Variants in CAMTA1 observed in about 807,000 individuals in gnomAD.
CAMTA1 encodes the protein calmodulin-binding transcription activator 1.
In CAMTA1, 27 loss-of-function variants were observed where a neutral mutation model predicts 170.9. The observed-to-expected ratio is 0.16, with a 90% CI of 0.12 to 0.22. CAMTA1 has a LOEUF of 0.22. CAMTA1 is among the 10% of genes least tolerant of loss of function. CAMTA1 has a pLI of 1.00. For synonymous variants in CAMTA1, 833 were observed against 891.5 expected, an observed-to-expected ratio of 0.93 and a Z score of 1.17; for missense variants, 1,619 against 2,217.2, an observed-to-expected ratio of 0.73 and a Z score of 5.42.
At chr1:7,185,572 T>C (rs898398409) in intron 4 of CAMTA1, among the ~76,000 whole-genome samples, 1 of 152,228 alleles carries the variant, frequency 6.6e-6, no homozygotes, top group African/African-American at 2.4e-5. Context: ...CCCCACAAAG[T>C]TCTTACTAAT....
intron 5 of CAMTA1, among the ~76,000 whole-genome samples, chr1:7,413,740 C>A (rs1477758194): frequency 6.6e-6 from 1 of 152,128 alleles, no homozygotes; most frequent in Non-Finnish European, 1.5e-5. Flanking sequence ...TAATTGAATA[C>A]CCTTTATTTC....
Position 7,065,833 on chromosome 1 carries a change from G to A in CAMTA1, c.235-25471G>A, listed in dbSNP as rs147270571. Among the ~76,000 whole-genome samples the A allele has an allele frequency of 7.4e-3, 1,129 of 152,266 alleles. 15 individuals carry two copies. Among genetic ancestry groups the A allele is most frequent in the African/African-American group, 0.026 (1,077 of 41,536 alleles). On this transcript the variant is annotated intron_variant, in intron 3 of 22. Coordinates refer to ENST00000303635, the MANE Select transcript of CAMTA1 (RefSeq NM_015215.4). The surrounding 1 kb of genome is among the most constrained non-coding windows in gnomAD (Gnocchi z 5.2). ...TGTCAAAGAGCAAGTGGCCTTTAAG[G>A]CATGTTTATCTATTCCCTTACATTG...
intron 6 of CAMTA1, among the ~76,000 whole-genome samples, chr1:7,507,142 ACT>A (rs1248586887): frequency 3.4e-5 from 5 of 148,082 alleles, no homozygotes; most frequent in Non-Finnish European, 5.9e-5. Context: ...ACACACTCAC[ACT>A]CACTCCCACA....
intron 5 of CAMTA1, among the ~76,000 whole-genome samples, chr1:7,439,156 G>C (rs142124313): frequency 6.6e-6 from 1 of 152,158 alleles, no homozygotes; most frequent in Admixed American, 6.5e-5. Context: ...CCCAGGTGGG[G>C]TCTGCGGTCC....
chr1:7,113,596 A>G lies in CAMTA1; in HGVS notation c.302+22225A>G, dbSNP rs1644190923. On this transcript the variant is annotated intron_variant, in intron 4 of 22. Transcript: ENST00000303635. The surrounding 1 kb of genome is among the most constrained non-coding windows in gnomAD (Gnocchi z 4.5). The stretch of plus-strand genomic sequence containing the variant: ...ATTTCACATCATAAGAGAGTTAAAG[A>G]GTTTGTGGCATTTTAAATGCTTTAT... 6.6e-6 allele frequency among the ~76,000 whole-genome samples: 1 copy of G among 152,204 alleles called. No homozygotes were observed. The highest frequency in any genetic ancestry group is 2.4e-5 in the African/African-American group (1 of 41,450).
intron 10 of CAMTA1, among the ~76,000 whole-genome samples, chr1:7,675,640 G>C (rs1193009966): frequency 6.6e-6 from 1 of 152,180 alleles, no homozygotes; most frequent in African/African-American, 2.4e-5. Context: ...CCCAGCAGGA[G>C]CGGGTCTCAG....
At chr1:7,615,658 G>T (rs2095554335) in intron 6 of CAMTA1, among the ~76,000 whole-genome samples, 1 of 152,230 alleles carries the variant, frequency 6.6e-6, no homozygotes, top group South Asian at 2.1e-4. Context: ...TAGAAGTCCA[G>T]GTGAGGGGGT....
At chr1:7,297,729 G>A (rs997955142) in intron 5 of CAMTA1, among the ~76,000 whole-genome samples, 1 of 152,198 alleles carries the variant, frequency 6.6e-6, no homozygotes, top group Non-Finnish European at 1.5e-5. Flanking sequence ...AGGCTGCTGT[G>A]CCCCATCGTC....
chr1:7,704,106 C>T (rs1267627834), intron 11 of CAMTA1, among the ~76,000 whole-genome samples: 1 of 151,690 alleles, frequency 6.6e-6, no homozygotes, highest in African/African-American at 2.4e-5. Flanking sequence ...CTGGCCCCCA[C>T]GCCTCCCCGC....
At chr1:7,671,976 C>G (rs1056571688) in intron 10 of CAMTA1, 4 of 455,724 alleles carry the variant, frequency 8.8e-6, no homozygotes, top group Admixed American at 2.4e-5. Context: ...GCATCTGAAG[C>G]CTGTTTCTAG....
chr1:7,482,947 C>CAA lies in CAMTA1; in HGVS notation c.510+15047_510+15048insAA, dbSNP rs1293978393. On this transcript the variant is annotated intron_variant, in intron 6 of 22. Coordinates refer to ENST00000303635, the MANE Select transcript of CAMTA1 (RefSeq NM_015215.4). The surrounding 1 kb of genome is among the most constrained non-coding windows in gnomAD (Gnocchi z 4.2). Reference sequence around the variant, plus strand: ...GTGAGCTGTAAATGTGCCCAGGCCCCACCCCATGTCATCCCAGGGTGAGCC... The same window carrying CAA: ...GTGAGCTGTAAATGTGCCCAGGCCCCAAACCCCATGTCATCCCAGGGTGAGCC... Among the ~76,000 whole-genome samples, 1 of 152,156 alleles carries CAA rather than the reference C, an allele frequency of 6.6e-6. No individual in the cohort carries two copies. Among genetic ancestry groups the CAA allele is most frequent in the Non-Finnish European group, 1.5e-5 (1 of 68,040 alleles).
In CAMTA1 at chr1:7,293,821, G is replaced by A. The variant is rs943308975; in HGVS notation, c.438+44195G>A. On this transcript the variant is annotated intron_variant, in intron 5 of 22. Coordinates refer to ENST00000303635, the MANE Select transcript of CAMTA1 (RefSeq NM_015215.4). The surrounding 1 kb of genome is among the most constrained non-coding windows in gnomAD (Gnocchi z 4.1). ...GGTTTCCAGCTCTCCCGTGCCCCTC[G>A]CTTTTCTCTGAAAACTCGGCATGCC... Among the ~76,000 whole-genome samples, 5 of 152,182 alleles carry A rather than the reference G, an allele frequency of 3.3e-5. No homozygotes were observed. In the South Asian group the frequency reaches 6.2e-4, roughly 19 times the overall value.
chr1:6,941,624 G>T (rs1456084691), intron 3 of CAMTA1, among the ~76,000 whole-genome samples: 3 of 152,258 alleles, frequency 2.0e-5, no homozygotes, highest in Non-Finnish European at 4.4e-5. Context: ...GGGCCCTTCA[G>T]TGACAGCAGG....
chr1:7,176,641 G>A (rs1161254964), intron 4 of CAMTA1, among the ~76,000 whole-genome samples: 2 of 152,196 alleles, frequency 1.3e-5, no homozygotes, highest in African/African-American at 4.8e-5. Context: ...ATAGACAGAT[G>A]CTGAGGGCAT....
At chr1:7,528,764 C>A (rs2094457884) in intron 6 of CAMTA1, among the ~76,000 whole-genome samples, 1 of 151,762 alleles carries the variant, frequency 6.6e-6, no homozygotes, top group African/African-American at 2.4e-5. Context: ...GTTTCTTGGC[C>A]TTTTGGCTAA....
intron 5 of CAMTA1, among the ~76,000 whole-genome samples, chr1:7,298,765 C>T (rs1271861998): frequency 1.3e-5 from 2 of 152,124 alleles, no homozygotes; most frequent in Non-Finnish European, 2.9e-5. Context: ...GAAGCTCTCC[C>T]AGTTCCTTAT....
At position 7,299,164 on chromosome 1, in the gene CAMTA1, C is replaced by G. The variant is rs1276979250; in HGVS notation, c.438+49538C>G. On this transcript the variant is annotated intron_variant, in intron 5 of 22. Coordinates refer to ENST00000303635, the MANE Select transcript of CAMTA1 (RefSeq NM_015215.4). This position sits in a 1 kb window ranked among gnomAD's most constrained non-coding sequence, Gnocchi z 4.7. ...AAAATATGTGCTGGAGGTGGGGAGA[C>G]CTGATTCCCTGCCTAGTGCTTCCTT... 6.6e-6 allele frequency among the ~76,000 whole-genome samples: 1 copy of G among 152,154 alleles called. No individual in the cohort carries two copies. The highest frequency in any genetic ancestry group is 2.4e-5 in the African/African-American group (1 of 41,422).
intron 3 of CAMTA1, among the ~76,000 whole-genome samples, chr1:6,867,385 G>A (rs1008447367): frequency 6.6e-6 from 1 of 152,104 alleles, no homozygotes; most frequent in East Asian, 1.9e-4. Context: ...ATAGGTTGCT[G>A]TAATATTTAT....
At chr1:6,961,871 A>G (rs905279800) in intron 3 of CAMTA1, among the ~76,000 whole-genome samples, 17 of 152,130 alleles carry the variant, frequency 1.1e-4, no homozygotes, top group Admixed American at 2.0e-4. Flanking sequence ...TGTCCCTGGG[A>G]GGACGGCCAG....
Sources: allele counts gnomAD v4.1 joint callset (sites outside exome capture counted in the v4.1 genomes callset), GRCh38; gene constraint gnomAD v4.1.1; non-coding constraint Gnocchi (gnomAD v3.1); transcripts MANE v1.5; gene names NCBI Gene and HGNC (gene_info 2026-07-23, HGNC 2026-07-21).